PRMT8: variants seen among roughly 807,000 people sequenced by gnomAD.
PRMT8 encodes protein arginine N-methyltransferase 8.
Under a neutral mutation model 47.1 loss-of-function variants are expected in PRMT8, and 7 were observed. The ratio of observed to expected loss-of-function variants is 0.15; its 90% CI spans 0.08 to 0.28. The LOEUF (loss-of-function observed/expected upper bound fraction) is 0.28. PRMT8 is among the 10% of genes least tolerant of loss of function. PRMT8 has a pLI of 1.00. For synonymous variants in PRMT8, 188 were observed against 186.5 expected, an observed-to-expected ratio of 1.01 and a Z score of -0.07; for missense variants, 237 against 505.4, an observed-to-expected ratio of 0.47 and a Z score of 5.09.
chr12:3,491,768 G>A, intron 1 of PRMT8, 68 bp downstream of exon 1: 2 of 1,542,326 alleles, frequency 1.3e-6, no homozygotes, highest in Non-Finnish European at 1.7e-6. Context: ...CGCCGCCGCC[G>A]CCGCTCAGCG....
In PRMT8 at chr12:3,583,611, G is replaced by A. The variant is rs1334301119; in HGVS notation, c.979+403G>A. Reference sequence around the variant, plus strand: ...GCAGGACACAGCCTGTCTTGCAGCAGCCTGCACACTGGTCTCTATGTCTCC... The same window carrying A: ...GCAGGACACAGCCTGTCTTGCAGCAACCTGCACACTGGTCTCTATGTCTCC... On this transcript the variant is annotated intron_variant, in intron 8 of 9. Coordinates refer to ENST00000382622, the MANE Select transcript of PRMT8 (RefSeq NM_019854.5). The surrounding 1 kb of genome is among the most constrained non-coding windows in gnomAD (Gnocchi z 4.7). Among the ~76,000 whole-genome samples, 2 of 152,168 alleles carry A rather than the reference G, an allele frequency of 1.3e-5. No homozygotes were observed. The highest frequency in any genetic ancestry group is 1.5e-5 in the Non-Finnish European group (1 of 68,016).
At chr12:3,430,582 A>AG (rs1864664763) in intron 1 of PRMT8, among the ~76,000 whole-genome samples, 1 of 152,238 alleles carries the variant, frequency 6.6e-6, no homozygotes, top group Non-Finnish European at 1.5e-5. Context: ...ATAAACCTTA[A>AG]GTCTCTTTCC....
rs79283987 is a variant in PRMT8 at position 3,454,141 on chromosome 12, C to T, written c.48+72699C>T. ...ACTTGGCTCTGTCTCTGCTCCTAGC[C>T]CCTGCTGTCTCTTCACTCTCCTGCA... On this transcript the variant is annotated intron_variant, in intron 1 of 9. Coordinates refer to the PRMT8 transcript ENST00000452611. Among the ~76,000 whole-genome samples, 5 of 152,180 alleles carry T rather than the reference C, an allele frequency of 3.3e-5. No individual in the cohort carries two copies. The East Asian group carries it at 9.6e-4, about 29-fold the overall frequency.
In PRMT8 at chr12:3,436,822, C is replaced by G. The variant is rs931754987; in HGVS notation, c.48+55380C>G. Among the ~76,000 whole-genome samples the G allele has an allele frequency of 6.6e-6, 1 of 152,234 alleles. No individual in the cohort carries two copies. The highest frequency in any genetic ancestry group is 2.4e-5 in the African/African-American group (1 of 41,456). ...GATCCAGCAGGCAAGGCTGCGATTT[C>G]TCTCTACTGATGCTGTGGCCTCTGT... On this transcript the variant is annotated intron_variant, in intron 1 of 9. Coordinates refer to the PRMT8 transcript ENST00000452611. The surrounding 1 kb of genome is among the most constrained non-coding windows in gnomAD (Gnocchi z 4.2).
intron 6 of PRMT8, among the ~76,000 whole-genome samples, chr12:3,574,491 A>C (rs1210414734): frequency 2.0e-5 from 3 of 152,266 alleles, no homozygotes; most frequent in Non-Finnish European, 4.4e-5. Context: ...CCTTATAAGT[A>C]AGCCCAGAAA....
intron 4 of PRMT8, among the ~76,000 whole-genome samples, chr12:3,562,435 C>T (rs1232518126): frequency 2.0e-5 from 3 of 152,016 alleles, no homozygotes; most frequent in South Asian, 2.1e-4. Context: ...ATAAAGCTTA[C>T]AGTCTCGGGG....
chr12:3,478,598 C>T (rs930735693), intron 1 of PRMT8, among the ~76,000 whole-genome samples: 5 of 152,330 alleles, frequency 3.3e-5, no homozygotes, highest in Middle Eastern at 3.4e-3. Context: ...AGAAGATACA[C>T]TTTCTTCTTG....
intron 1 of PRMT8, among the ~76,000 whole-genome samples, chr12:3,417,058 C>T (rs78810421): frequency 0.034 from 5,163 of 152,244 alleles, 135 homozygotes; most frequent in African/African-American, 0.068. Flanking sequence ...TGATCTGAAG[C>T]CAGAGTTTTT....
rs1304886591 is a variant in PRMT8 at position 3,478,276 on chromosome 12, C to CTATA, written c.49-62327_49-62326insATAT. ...ATCCACCTATCATCTATCTATCTAT[C>CTATA]TATCTATCTATCTATCTATCTATCT... is the stretch of plus-strand genomic sequence containing the variant. On this transcript the variant is annotated intron_variant, in intron 1 of 9. Coordinates refer to the PRMT8 transcript ENST00000452611. Among the ~76,000 whole-genome samples the CTATA allele has an allele frequency of 3.7e-5, 5 of 134,350 alleles. No individual in the cohort carries two copies. The East Asian group carries it at 1.1e-3, about 31-fold the overall frequency. 88.1% of individuals were successfully genotyped at this position (134,350 alleles called of 152,430 possible).
intron 1 of PRMT8, among the ~76,000 whole-genome samples, chr12:3,474,500 T>C (rs965637262): frequency 2.0e-5 from 3 of 152,070 alleles, no homozygotes; most frequent in African/African-American, 7.2e-5. Flanking sequence ...CACCCGATGC[T>C]CTCTGCTCCA....
chr12:3,454,698 C>A (rs1864955357), intron 1 of PRMT8, among the ~76,000 whole-genome samples: 1 of 152,122 alleles, frequency 6.6e-6, no homozygotes. Context: ...AGGAGTGAAA[C>A]CAAACCCAGC....
At chr12:3,590,339 G>A (rs1416692222) in intron 8 of PRMT8, among the ~76,000 whole-genome samples, 2 of 152,190 alleles carry the variant, frequency 1.3e-5, no homozygotes, top group African/African-American at 4.8e-5. Context: ...ATTGGCCTTG[G>A]GGTTTTGAAA....
At chr12:3,505,423 G>C (rs1865608149) in intron 1 of PRMT8, among the ~76,000 whole-genome samples, 1 of 152,148 alleles carries the variant, frequency 6.6e-6, no homozygotes, top group Middle Eastern at 3.2e-3. Flanking sequence ...TCTCTTTCCT[G>C]CTTCTCACTC....
chr12:3,455,868 A>T (rs1864968593), intron 1 of PRMT8, among the ~76,000 whole-genome samples: 1 of 152,118 alleles, frequency 6.6e-6, no homozygotes, highest in African/African-American at 2.4e-5. Flanking sequence ...GCCCCCTACC[A>T]CACCCCTCAG....
At chr12:3,395,692 A>C (rs1315197560) in intron 1 of PRMT8, among the ~76,000 whole-genome samples, 3 of 148,294 alleles carry the variant, frequency 2.0e-5, no homozygotes, top group Non-Finnish European at 4.5e-5. Context: ...TATTCTGTTG[A>C]TTTGGGGTGG....
intron 1 of PRMT8, chr12:3,463,736 G>C (rs1865062564): frequency 6.6e-6 from 1 of 152,214 alleles, no homozygotes; most frequent in Admixed American, 6.5e-5. Flanking sequence ...TAGAATTACA[G>C]GCATGAGCCA....
At position 3,409,626 on chromosome 12, in the gene PRMT8, G is replaced by C. The variant is rs761356411; in HGVS notation, c.48+28184G>C. ...GCAGGGTTTTCCACTTGTTTGGCCT[G>C]GGGGCGGGGGTGAGGTGTCCCATCT... is the stretch of plus-strand genomic sequence containing the variant. On this transcript the variant is annotated intron_variant, in intron 1 of 9. Transcript: ENST00000452611. The surrounding 1 kb of genome is among the most constrained non-coding windows in gnomAD (Gnocchi z 4.4). Among the ~76,000 whole-genome samples, 1 of 152,114 alleles carries C rather than the reference G, an allele frequency of 6.6e-6. No individual in the cohort carries two copies. Among genetic ancestry groups the C allele is most frequent in the Non-Finnish European group, 1.5e-5 (1 of 68,030 alleles).
At chr12:3,496,212 ATATTTTTTTT>A (rs1865504101) in intron 1 of PRMT8, among the ~76,000 whole-genome samples, 1 of 19,398 alleles carries the variant, frequency 5.2e-5, no homozygotes, top group East Asian at 1.5e-3. Context: ...ATATATATAT[ATATTTTTTTT>A]TTTTTTTTTT....
intron 1 of PRMT8, among the ~76,000 whole-genome samples, chr12:3,510,656 G>A (rs191083963): frequency 1.2e-3 from 182 of 152,300 alleles, no homozygotes; most frequent in Non-Finnish European, 1.4e-3. Context: ...TGCAGGGCCT[G>A]GGGCCTTGTC....
Sources: allele counts gnomAD v4.1 joint callset (sites outside exome capture counted in the v4.1 genomes callset), GRCh38; gene constraint gnomAD v4.1.1; non-coding constraint Gnocchi (gnomAD v3.1); transcripts MANE v1.5; gene names NCBI Gene and HGNC (gene_info 2026-07-23, HGNC 2026-07-21).